Variants in COL28A1 observed in about 807,000 individuals in gnomAD.
The protein encoded by COL28A1 is collagen alpha-1(XXVIII) chain.
Under a neutral mutation model 150.2 loss-of-function variants are expected in COL28A1, and 161 were observed. The ratio of observed to expected loss-of-function variants is 1.07; its 90% CI spans 0.94 to 1.22. COL28A1 has a LOEUF of 1.22. COL28A1 is among the 50% of genes most tolerant of loss of function. The pLI is 0.00. For missense variants in COL28A1, 1,617 were observed against 1,388.3 expected, an observed-to-expected ratio of 1.16 and a Z score of -2.62; for synonymous variants, 552 against 469.7, an observed-to-expected ratio of 1.18 and a Z score of -2.26.
intron 16 of COL28A1, among the ~76,000 whole-genome samples, chr7:7,455,374 A>G (rs1787063073): frequency 6.6e-6 from 1 of 152,194 alleles, no homozygotes. Flanking sequence ...TACTATCTTC[A>G]CATTATTTAG....
intron 27 of COL28A1, among the ~76,000 whole-genome samples, chr7:7,398,571 T>C (rs1309923455): frequency 1.3e-5 from 2 of 152,230 alleles, no homozygotes; most frequent in Admixed American, 6.5e-5. Context: ...AATACATGGA[T>C]AGGTCATAGT....
chr7:7,340,477 T>G, the COL28A1 span, among the ~76,000 whole-genome samples: 1 of 152,082 alleles, frequency 6.6e-6, no homozygotes, highest in East Asian at 1.9e-4. Context: ...CTTGATCCTT[T>G]CCCATACATG....
Position 7,432,680 on chromosome 7 carries a change from TC to T in COL28A1, c.1880del (p.Gly627AspfsTer57). On this transcript the variant is annotated frameshift_variant, in exon 24 of 35. Transcript: ENST00000399429. LOFTEE classifies it high-confidence loss of function. Reference sequence around the variant, plus strand: ...CTTTGAGTCCTGGAGCACCCACTGGTCCCCGAGGGCCTTGGACACCCTGGGT... The same window carrying T: ...CTTTGAGTCCTGGAGCACCCACTGGTCCCGAGGGCCTTGGACACCCTGGGT... ...RGPKGVQGPR[G>X]PVGAPGLKGD... 1 of 1,613,846 alleles carries T rather than the reference TC, an allele frequency of 6.2e-7. No individual in the cohort carries two copies. The highest frequency in any genetic ancestry group is 8.5e-7 in the Non-Finnish European group (1 of 1,179,970).
chr7:7,461,368 AGATT>A (rs1240902222), intron 15 of COL28A1, among the ~76,000 whole-genome samples: 3 of 152,206 alleles, frequency 2.0e-5, no homozygotes, highest in African/African-American at 7.2e-5. Context: ...TAATTTCAAC[AGATT>A]GAGAAGTCTC....
At chr7:7,464,445 G>A (rs61221982) in intron 15 of COL28A1, among the ~76,000 whole-genome samples, 14,850 of 152,142 alleles carry the variant, frequency 0.098, 880 homozygotes, top group Middle Eastern at 0.21. Context: ...CAAGAAAAGT[G>A]AAATTATACC....
intron 27 of COL28A1, among the ~76,000 whole-genome samples, chr7:7,414,460 C>A (rs1349342582): frequency 6.6e-6 from 1 of 152,202 alleles, no homozygotes; most frequent in African/African-American, 2.4e-5. Flanking sequence ...CACTTCAGGG[C>A]AGAGCCAGTT....
chr7:7,472,383 A>G (rs1204014563), intron 15 of COL28A1, among the ~76,000 whole-genome samples: 2 of 152,168 alleles, frequency 1.3e-5, no homozygotes, highest in Non-Finnish European at 2.9e-5. Context: ...ACAGCAAACA[A>G]GCCGAGAATC....
chr7:7,372,650 T>A (rs1174547004), intron 32 of COL28A1, among the ~76,000 whole-genome samples: 1 of 152,128 alleles, frequency 6.6e-6, no homozygotes, highest in Non-Finnish European at 1.5e-5. Context: ...TGCTGTTGGC[T>A]TGCTCGATCC....
At chr7:7,540,748 G>A (rs1782769946), upstream of COL28A1, among the ~76,000 whole-genome samples, 1 of 152,184 alleles carries the variant, frequency 6.6e-6, no homozygotes, top group Non-Finnish European at 1.5e-5. Flanking sequence ...CTAAGTCCCA[G>A]CACATTAAAG....
At chr7:7,442,014 A>G (rs1381038086) in intron 20 of COL28A1, among the ~76,000 whole-genome samples, 1 of 152,182 alleles carries the variant, frequency 6.6e-6, no homozygotes, top group Non-Finnish European at 1.5e-5. Flanking sequence ...ATTGACCTAA[A>G]TCACCCCAGA....
intron 13 of COL28A1, 38 bp from the exon 14 acceptor site, chr7:7,477,218 G>C (rs201332452): frequency 2.3e-6 from 2 of 876,770 alleles, no homozygotes; most frequent in East Asian, 2.4e-5. Context: ...CAGGAGGAGA[G>C]AGAAAAGGGA....
chr7:7,526,774 T>C (rs1323978770), intron 3 of COL28A1, among the ~76,000 whole-genome samples: 1 of 152,046 alleles, frequency 6.6e-6, no homozygotes, highest in Non-Finnish European at 1.5e-5. Context: ...TAGCTGGAAT[T>C]ACAGAGCACG....
In COL28A1 at chr7:7,372,865, C is replaced by T. The variant is rs143368763; in HGVS notation, c.2908+133G>A. The T allele has an allele frequency of 1.0e-3, 699 of 674,232 alleles. 8 individuals are homozygous for T. Among genetic ancestry groups the T allele is most frequent in the Admixed American group, 8.7e-3 (320 of 36,690 alleles). 41.8% of individuals were successfully genotyped at this position (674,232 alleles called of 1,614,324 possible). A position where few individuals can be genotyped will look rare whatever the true frequency, so the allele number is the denominator to read the frequency against. On this transcript the variant is annotated intron_variant, in intron 32 of 34. Coordinates refer to ENST00000399429, the MANE Select transcript of COL28A1 (RefSeq NM_001037763.3). ...AACATTTTTAATCTTCTGGAGTTTA[C>T]GTGTTACCATTTAATGTTGGCATAA...
intron 15 of COL28A1, among the ~76,000 whole-genome samples, chr7:7,466,759 C>CG (rs1458985383): frequency 9.9e-4 from 5 of 5,032 alleles, no homozygotes; most frequent in Admixed American, 6.0e-3. Context: ...GCGGATCTCT[C>CG]GGCAGAAACC....
At chr7:7,374,529 A>G (rs1317756881) in intron 31 of COL28A1, among the ~76,000 whole-genome samples, 1 of 152,152 alleles carries the variant, frequency 6.6e-6, no homozygotes, top group Non-Finnish European at 1.5e-5. Flanking sequence ...ATCCCCGAGA[A>G]CACTAGTCAA....
At chr7:7,400,702 T>A (rs1783127589) in intron 27 of COL28A1, among the ~76,000 whole-genome samples, 1 of 151,198 alleles carries the variant, frequency 6.6e-6, no homozygotes, top group Non-Finnish European at 1.5e-5. Flanking sequence ...AAAAAAAACC[T>A]TCCTTAATCA....
intron 27 of COL28A1, among the ~76,000 whole-genome samples, chr7:7,410,915 A>G (rs1384350493): frequency 6.6e-6 from 1 of 152,182 alleles, no homozygotes. Flanking sequence ...CCCTTAAGTT[A>G]GTTAAATTTC....
rs577121482 is a variant in COL28A1 at position 7,363,023 on chromosome 7, C to T, written c.3067-2495G>A. Among the ~76,000 whole-genome samples the T allele has an allele frequency of 1.2e-4, 18 of 152,078 alleles. No homozygotes were observed. The East Asian group carries it at 2.1e-3, about 18-fold the overall frequency. ...AAGCTATAAATGATTAAGAAACTTTCCAAAAGTTATTGGTAAGCTAGTGAC... is the reference window on the plus strand; with the variant it reads ...AAGCTATAAATGATTAAGAAACTTTTCAAAAGTTATTGGTAAGCTAGTGAC... On this transcript the variant is annotated intron_variant, in intron 33 of 34. Coordinates refer to ENST00000399429, the MANE Select transcript of COL28A1 (RefSeq NM_001037763.3).
intron 11 of COL28A1, among the ~76,000 whole-genome samples, chr7:7,505,396 T>C (rs1341320047): frequency 6.6e-6 from 1 of 152,190 alleles, no homozygotes; most frequent in African/African-American, 2.4e-5. Flanking sequence ...AAACAGCTTG[T>C]TTTAGCAAAT....
Sources: gnomAD v4.1 joint callset for allele counts (sites outside exome capture counted in the v4.1 genomes callset) on GRCh38, gnomAD v4.1.1 for gene constraint, MANE v1.5 for transcripts, NCBI Gene and HGNC (gene_info 2026-07-23, HGNC 2026-07-21) for gene names.